The following KCNIP4 variants were observed in gnomAD, a reference collection of about 807,000 sequenced individuals.
KCNIP4 encodes potassium voltage-gated channel interacting protein 4.
Under a neutral mutation model 34.0 loss-of-function variants are expected in KCNIP4, and 12 were observed. The ratio of observed to expected loss-of-function variants is 0.35; its 90% CI spans 0.23 to 0.57. The LOEUF is 0.57. Among genes scored for constraint, KCNIP4 ranks in the 20% least tolerant of loss-of-function variants. The pLI is 0.83. For synonymous variants in KCNIP4, 124 were observed against 102.2 expected, an observed-to-expected ratio of 1.21 and a Z score of -1.29; for missense variants, 238 against 311.7, an observed-to-expected ratio of 0.76 and a Z score of 1.78.
At chr4:21,396,807 G>A (rs1723050629) in intron 1 of KCNIP4, among the ~76,000 whole-genome samples, 1 of 152,166 alleles carries the variant, frequency 6.6e-6, no homozygotes, top group African/African-American at 2.4e-5. Context: ...GACTTCAGAA[G>A]CTGGAAGAAG....
chr4:21,640,328 A>G (rs1007895670), intron 1 of KCNIP4, among the ~76,000 whole-genome samples: 1 of 152,150 alleles, frequency 6.6e-6, no homozygotes. Flanking sequence ...AGCAGTTCCC[A>G]CTGTATTTTC....
intron 1 of KCNIP4, among the ~76,000 whole-genome samples, chr4:21,139,882 A>G (rs1286857500): frequency 6.6e-6 from 1 of 152,172 alleles, no homozygotes; most frequent in East Asian, 1.9e-4. Flanking sequence ...AAGTGTAGAA[A>G]GGTTAATTTA....
intron 1 of KCNIP4, among the ~76,000 whole-genome samples, chr4:21,686,482 A>T (rs529937612): frequency 6.6e-6 from 1 of 152,260 alleles, no homozygotes; most frequent in East Asian, 1.9e-4. Context: ...TTTTTATTTT[A>T]AAAACATTAA....
chr4:20,977,777 T>C (rs906655367), intron 1 of KCNIP4, among the ~76,000 whole-genome samples: 2 of 152,234 alleles, frequency 1.3e-5, no homozygotes, highest in East Asian at 3.8e-4. Flanking sequence ...AGTCTCTACC[T>C]GTCAAAGTTT....
intron 1 of KCNIP4, among the ~76,000 whole-genome samples, chr4:21,142,126 G>A (rs1174993067): frequency 2.7e-5 from 4 of 145,460 alleles, no homozygotes; most frequent in Non-Finnish European, 4.5e-5. Flanking sequence ...ACTCCAGCCT[G>A]GGCGACAGTG....
intron 1 of KCNIP4, among the ~76,000 whole-genome samples, chr4:21,135,115 G>A (rs6448021): frequency 0.53 from 80,368 of 152,076 alleles, 21,830 homozygotes; most frequent in African/African-American, 0.64. Flanking sequence ...AGTCTGCAGA[G>A]GTCTCACAAA....
Position 21,385,417 on chromosome 4 carries a change from T to C in KCNIP4, c.62-502708A>G, listed in dbSNP as rs73799173. On this transcript the variant is annotated intron_variant, in intron 1 of 8. Transcript: ENST00000382152. ...AAAATAAGAATACAAAGATGAAGAG[T>C]ATATAGTACAATGGTTAGGACTGTG... Among the ~76,000 whole-genome samples the C allele has an allele frequency of 8.6e-3, 1,313 of 151,816 alleles. 29 individuals are homozygous for C. Among genetic ancestry groups the C allele is most frequent in the African/African-American group, 0.03 (1,235 of 41,368 alleles).
intron 1 of KCNIP4, among the ~76,000 whole-genome samples, chr4:21,168,150 A>G (rs1047232070): frequency 2.0e-5 from 3 of 152,224 alleles, no homozygotes; most frequent in African/African-American, 7.2e-5. Context: ...TTAGGAAAGA[A>G]CAACTGGAGA....
chr4:21,003,234 A>T (rs997131698), intron 1 of KCNIP4, among the ~76,000 whole-genome samples: 99 of 152,284 alleles, frequency 6.5e-4, no homozygotes, highest in Non-Finnish European at 3.4e-4. Context: ...CTGATTTCAA[A>T]ATCTGCTCCT....
At chr4:21,272,231 G>T (rs887896600) in intron 1 of KCNIP4, among the ~76,000 whole-genome samples, 6 of 152,136 alleles carry the variant, frequency 3.9e-5, no homozygotes, top group Non-Finnish European at 7.4e-5. Flanking sequence ...ACCCCATAAA[G>T]TTGTTGGGAA....
At chr4:21,138,949 G>A (rs1258357870) in intron 1 of KCNIP4, among the ~76,000 whole-genome samples, 1 of 152,214 alleles carries the variant, frequency 6.6e-6, no homozygotes, top group Non-Finnish European at 1.5e-5. Flanking sequence ...TTACCCTAGT[G>A]AAAGTCATTC....
chr4:21,895,753 T>C (rs775761278), intron 1 of KCNIP4, among the ~76,000 whole-genome samples: 7 of 152,114 alleles, frequency 4.6e-5, no homozygotes, highest in Non-Finnish European at 1.0e-4. Context: ...AGGAGCTAAT[T>C]AGAAAGTGGC....
chr4:21,136,319 CT>C (rs1751495992), intron 1 of KCNIP4, among the ~76,000 whole-genome samples: 1 of 152,186 alleles, frequency 6.6e-6, no homozygotes, highest in African/African-American at 2.4e-5. Flanking sequence ...AGCGAGTAAT[CT>C]TTCTGGAGAA....
At chr4:21,255,857 G>A (rs776967535) in intron 1 of KCNIP4, among the ~76,000 whole-genome samples, 7 of 152,040 alleles carry the variant, frequency 4.6e-5, no homozygotes, top group Admixed American at 1.3e-4. Flanking sequence ...ACAATAACCC[G>A]GATGCTTTAT....
intron 1 of KCNIP4, among the ~76,000 whole-genome samples, chr4:21,623,257 T>A (rs1463002932): frequency 6.6e-6 from 1 of 152,216 alleles, no homozygotes; most frequent in African/African-American, 2.4e-5. Context: ...CAAATCTTAT[T>A]ACTAAACAAT....
intron 1 of KCNIP4, among the ~76,000 whole-genome samples, chr4:21,900,883 C>T (rs574364452): frequency 4.3e-4 from 66 of 152,258 alleles, no homozygotes; most frequent in African/African-American, 1.4e-3. Context: ...TACAACAGTT[C>T]ATCTTACGAA....
At chr4:21,075,456 G>C (rs1745394194) in intron 1 of KCNIP4, among the ~76,000 whole-genome samples, 1 of 152,052 alleles carries the variant, frequency 6.6e-6, no homozygotes, top group Admixed American at 6.6e-5. Flanking sequence ...GACTAGGATT[G>C]CAACTCCTGC....
chr4:21,435,527 T>C lies in KCNIP4; in HGVS notation c.61+513044A>G, dbSNP rs371699212. Among the ~76,000 whole-genome samples the C allele has an allele frequency of 7.2e-5, 11 of 152,140 alleles. No individual in the cohort carries two copies. In the East Asian group the frequency reaches 1.9e-3, roughly 27 times the overall value. ...ATGGGAAGCCACTAATTAAAATGAT[T>C]AACAATATCAATAACAGCAAAGAGA... is the stretch of plus-strand genomic sequence containing the variant. On this transcript the variant is annotated intron_variant, in intron 1 of 8. Transcript: ENST00000382152.
chr4:21,737,911 T>C (rs10014053), intron 1 of KCNIP4, among the ~76,000 whole-genome samples: 14,029 of 151,238 alleles, frequency 0.093, 2,171 homozygotes, highest in African/African-American at 0.32. Context: ...GGTGAAACCC[T>C]GTCTCTACTA....
Sources: gnomAD v4.1 joint callset for allele counts (sites outside exome capture counted in the v4.1 genomes callset) on GRCh38, gnomAD v4.1.1 for gene constraint, MANE v1.5 for transcripts, NCBI Gene and HGNC (gene_info 2026-07-23, HGNC 2026-07-21) for gene names.